The following SLBP variants were observed in gnomAD, a reference collection of about 807,000 sequenced individuals.
SLBP encodes stem-loop histone mRNA binding protein.
In SLBP, 29 loss-of-function variants were observed where a neutral mutation model predicts 39.2. The observed-to-expected ratio is 0.74, with a 90% CI of 0.55 to 1.01. The LOEUF is 1.01. SLBP is among the 50% of genes least tolerant of loss of function. SLBP has a pLI of 0.00. For missense variants in SLBP, 390 were observed against 350.2 expected (o/e 1.11, Z -0.91); for synonymous variants, 129 against 118.7 (o/e 1.09, Z -0.57).
At chr4:1,697,158 TAA>T (rs59715153) in intron 5 of SLBP, among the ~76,000 whole-genome samples, 629 of 32,682 alleles carry the variant, frequency 0.019, 14 homozygotes, top group African/African-American at 0.062. Context: ...GACTCCACCT[TAA>T]AAAAAAAAAA....
chr4:1,708,646 G>A (rs1716614887), intron 2 of SLBP, among the ~76,000 whole-genome samples: 1 of 152,172 alleles, frequency 6.6e-6, no homozygotes, highest in Non-Finnish European at 1.5e-5. Context: ...TATACTACAT[G>A]CCATATTTTG....
In SLBP at chr4:1,709,643, G is replaced by A. The variant is rs948664832; in HGVS notation, c.176+2231C>T. On this transcript the variant is annotated intron_variant, in intron 2 of 7. Transcript: ENST00000489418. The stretch of plus-strand genomic sequence containing the variant: ...TTTTTTTTTTTTGAGACGGAGTCTC[G>A]CTCTATTGCCCCAGCTGGAGTGTAG... 3.5e-5 allele frequency among the ~76,000 whole-genome samples: 5 copies of A among 143,076 alleles called. No homozygotes were observed. In the South Asian group the frequency reaches 8.6e-4, roughly 25 times the overall value. 93.9% of individuals were successfully genotyped at this position (143,076 alleles called of 152,430 possible). A position where few individuals can be genotyped will look rare whatever the true frequency, so the allele number is the denominator to read the frequency against.
intron 7 of SLBP, among the ~76,000 whole-genome samples, chr4:1,694,268 A>C (rs1324700026): frequency 3.9e-5 from 6 of 152,100 alleles, no homozygotes; most frequent in Non-Finnish European, 8.8e-5. Context: ...TTTTTAGTAG[A>C]GACTGGGTTT....
intron 4 of SLBP, 145 bp from the exon 5 acceptor site, chr4:1,699,846 C>T: frequency 1.2e-6 from 1 of 848,000 alleles, no homozygotes; most frequent in Non-Finnish European, 1.8e-6. Flanking sequence ...CCGGAGACTG[C>T]ATGTATGGGA....
intron 1 of SLBP, 49 bp downstream of exon 1, chr4:1,712,081 C>A (rs1716802056): frequency 1.6e-6 from 2 of 1,230,790 alleles, no homozygotes; most frequent in Non-Finnish European, 2.0e-6. Flanking sequence ...GCACAACCCC[C>A]GCCCCACGGG....
At chr4:1,705,265 A>G (rs1178403304) in intron 2 of SLBP, among the ~76,000 whole-genome samples, 2 of 152,154 alleles carry the variant, frequency 1.3e-5, no homozygotes, top group Non-Finnish European at 2.9e-5. Flanking sequence ...GTGTGAGAAG[A>G]ATTGTCTTCT....
chr4:1,704,949 C>T (rs1486180925), intron 2 of SLBP, among the ~76,000 whole-genome samples: 9 of 150,732 alleles, frequency 6.0e-5, no homozygotes, highest in Admixed American at 2.6e-4. Flanking sequence ...CTTTTTGAGA[C>T]GGAGTCTCAC....
chr4:1,693,356 AAG>A lies in SLBP; in HGVS notation c.*239_*240del. ...GGGATTACGCAATTAAGCTCGCTGG[AAG>A]AGAGCTTCAAGTACTTTCTTGGACT... On this transcript the variant is annotated 3_prime_UTR_variant, in exon 8 of 8. Coordinates refer to ENST00000489418, the MANE Select transcript of SLBP (RefSeq NM_006527.4). The A allele has an allele frequency of 2.4e-6, 1 of 411,436 alleles. No homozygotes were observed. The highest frequency in any genetic ancestry group is 2.9e-5 in the South Asian group (1 of 34,546). 25.5% of individuals were successfully genotyped at this position (411,436 alleles called of 1,614,324 possible).
chr4:1,693,692 T>A lies in SLBP; in HGVS notation c.718A>T (p.Thr240Ser). The A allele has an allele frequency of 1.9e-6, 3 of 1,613,066 alleles. No homozygotes were observed. The highest frequency in any genetic ancestry group is 2.5e-6 in the Non-Finnish European group (3 of 1,179,024). The change falls in exon 8 of 8, where the codon ACC (threonine) becomes TCC (serine). Residue 240 changes from threonine (T) to serine (S), a missense_variant. Transcript: ENST00000489418. Reference protein sequence around the residue: ...DDFDVYSGTPTKVRHMDSQVE... With the variant: ...DDFDVYSGTPSKVRHMDSQVE... ...TGACTGTCCATGTGTCTCACCTTGG[T>A]GGGTGTGCCAGAGTACACATCCTGG...
Position 1,703,923 on chromosome 4 carries a change from G to A in SLBP, c.177-223C>T, listed in dbSNP as rs140783226. On this transcript the variant is annotated intron_variant, in intron 2 of 7. Coordinates refer to ENST00000489418, the MANE Select transcript of SLBP (RefSeq NM_006527.4). ...CTGTCCCCCACCCAAAAAAATAAAA[G>A]CATTATATCAGTGAACTATGTGTAT... is the stretch of plus-strand genomic sequence containing the variant. Among the ~76,000 whole-genome samples, 15 of 152,152 alleles carry A rather than the reference G, an allele frequency of 9.9e-5. No individual in the cohort carries two copies. In the East Asian group the frequency reaches 2.7e-3, roughly 27 times the overall value.
intron 6 of SLBP, among the ~76,000 whole-genome samples, chr4:1,695,840 T>C (rs933721540): frequency 6.6e-6 from 1 of 151,880 alleles, no homozygotes; most frequent in Non-Finnish European, 1.5e-5. Context: ...ATTTTCATGG[T>C]TGAGCCGAAA....
chr4:1,699,325 TA>T (rs1489053983), intron 5 of SLBP, among the ~76,000 whole-genome samples: 7 of 152,328 alleles, frequency 4.6e-5, no homozygotes, highest in Admixed American at 6.5e-5. Flanking sequence ...TCCTAAGAAA[TA>T]AAATGTTATC....
At chr4:1,696,618 C>A (rs1490706903) in intron 5 of SLBP, among the ~76,000 whole-genome samples, 3 of 152,064 alleles carry the variant, frequency 2.0e-5, no homozygotes, top group Admixed American at 2.0e-4. Context: ...CAGCTAGGGG[C>A]TGGGAGCGGT....
intron 2 of SLBP, among the ~76,000 whole-genome samples, chr4:1,710,641 T>G (rs193052460): frequency 6.6e-6 from 1 of 152,134 alleles, no homozygotes; most frequent in Admixed American, 6.5e-5. Flanking sequence ...GGTAGGGGAA[T>G]AGTCAATTAT....
intron 6 of SLBP, among the ~76,000 whole-genome samples, chr4:1,695,790 A>G (rs1257504669): frequency 1.3e-5 from 2 of 151,988 alleles, no homozygotes; most frequent in Non-Finnish European, 2.9e-5. Context: ...AAAAAAGCCA[A>G]CAGAGAAAGA....
At position 1,700,089 on chromosome 4, in the gene SLBP, T is replaced by A; in HGVS notation, c.282-19A>T. On this transcript the variant is annotated intron_variant, in intron 3 of 7. Coordinates refer to ENST00000489418, the MANE Select transcript of SLBP (RefSeq NM_006527.4). ...TTTATATCTGAGGGCAAAATAAATATTGCTGTTTTTAAAAAAGATATAAAA... is the reference window on the plus strand; with the variant it reads ...TTTATATCTGAGGGCAAAATAAATAATGCTGTTTTTAAAAAAGATATAAAA... The A allele has an allele frequency of 6.5e-7, 1 of 1,548,962 alleles. No homozygotes were observed. The highest frequency in any genetic ancestry group is 1.7e-4 in the Middle Eastern group (1 of 5,924).
rs553200962 is a variant in SLBP, at chr4:1,702,258, C to A, written c.281+1338G>T. Among the ~76,000 whole-genome samples the A allele has an allele frequency of 2.6e-5, 4 of 152,304 alleles. No individual in the cohort carries two copies. The East Asian group carries it at 7.7e-4, about 29-fold the overall frequency. On this transcript the variant is annotated intron_variant, in intron 3 of 7. Transcript: ENST00000489418. ...AGACCTATATAAATGCAATAATTCA[C>A]TAAAAACACTGGTACTCTCATCTGT...
At chr4:1,710,502 G>A (rs1423657667) in intron 2 of SLBP, among the ~76,000 whole-genome samples, 6 of 152,184 alleles carry the variant, frequency 3.9e-5, no homozygotes, top group Admixed American at 1.3e-4. Flanking sequence ...ATACCTAGAA[G>A]AACACGAAAT....
At chr4:1,705,461 A>G (rs1256502788) in intron 2 of SLBP, among the ~76,000 whole-genome samples, 1 of 152,242 alleles carries the variant, frequency 6.6e-6, no homozygotes, top group Non-Finnish European at 1.5e-5. Context: ...GATGTAGCAC[A>G]CACCAAAATC....
Sources: allele counts gnomAD v4.1 joint callset (sites outside exome capture counted in the v4.1 genomes callset), GRCh38; gene constraint gnomAD v4.1.1; transcripts MANE v1.5; gene names NCBI Gene and HGNC (gene_info 2026-07-23, HGNC 2026-07-21).